The following RAD52 variants were observed in gnomAD, a reference collection of about 807,000 sequenced individuals.
The protein encoded by RAD52 is DNA repair protein RAD52 homolog.
Under a neutral mutation model 55.5 loss-of-function variants are expected in RAD52, and 47 were observed. The ratio of observed to expected loss-of-function variants is 0.85; its 90% CI spans 0.67 to 1.08. The LOEUF (loss-of-function observed/expected upper bound fraction) is 1.08, where lower values mean the gene tolerates loss of function less well. RAD52 is among the 50% of genes least tolerant of loss of function. RAD52 has a pLI of 0.00. For synonymous variants in RAD52, 184 were observed against 198.9 expected, an observed-to-expected ratio of 0.92 and a Z score of 0.63; for missense variants, 468 against 522.8, an observed-to-expected ratio of 0.90 and a Z score of 1.02.
intron 7 of RAD52, among the ~76,000 whole-genome samples, chr12:920,780 A>G (rs1956684630): frequency 6.6e-6 from 1 of 152,218 alleles, no homozygotes; most frequent in Non-Finnish European, 1.5e-5. Context: ...TATTTGAACA[A>G]TACTATAGGC....
chr12:925,850 C>G (rs2154112694), intron 6 of RAD52, among the ~76,000 whole-genome samples: 1 of 151,828 alleles, frequency 6.6e-6, no homozygotes, highest in South Asian at 2.1e-4. Context: ...TCTTTTTTTT[C>G]CCCCCAAAGG....
At chr12:925,075 C>A (rs1224930210) in intron 7 of RAD52, among the ~76,000 whole-genome samples, 1 of 151,790 alleles carries the variant, frequency 6.6e-6, no homozygotes, top group Admixed American at 6.6e-5. Flanking sequence ...CTCAGCCTCC[C>A]GAGTAGCTGG....
intron 1 of RAD52, among the ~76,000 whole-genome samples, chr12:983,604 G>C (rs540156204): frequency 6.6e-6 from 1 of 151,770 alleles, no homozygotes; most frequent in African/African-American, 2.4e-5. Context: ...ATTTTTAGTA[G>C]AGACAGGGTT....
chr12:948,778 G>A (rs917802841), intron 1 of RAD52, among the ~76,000 whole-genome samples: 1 of 148,196 alleles, frequency 6.7e-6, no homozygotes, highest in Admixed American at 6.7e-5. Flanking sequence ...CGGCTTACCG[G>A]CACACCTGCC....
intron 1 of RAD52, among the ~76,000 whole-genome samples, chr12:947,098 G>A (rs752863077): frequency 6.6e-6 from 1 of 152,176 alleles, no homozygotes; most frequent in Non-Finnish European, 1.5e-5. Context: ...AGGCCAAGGC[G>A]GGAGGATCAC....
At chr12:931,945 C>T (rs993211905) in intron 2 of RAD52, among the ~76,000 whole-genome samples, 3 of 152,184 alleles carry the variant, frequency 2.0e-5, no homozygotes, top group Non-Finnish European at 2.9e-5. Flanking sequence ...GAGATGAATA[C>T]TCACAACTCT....
chr12:981,771 T>TAAATAAAATAAAATAAAATAAAATA (rs59388253), intron 1 of RAD52, among the ~76,000 whole-genome samples: 7,749 of 139,588 alleles, frequency 0.056, 305 homozygotes, highest in Non-Finnish European at 0.078. Flanking sequence ...AATAAATAAA[T>TAAATAAAATAAAATAAAATAAAATA]AAATAAAATA....
intron 1 of RAD52, 186 bp downstream of exon 1, chr12:949,416 C>G (rs1352248730): frequency 1.3e-5 from 2 of 152,296 alleles, no homozygotes; most frequent in Non-Finnish European, 2.9e-5. Flanking sequence ...TCGGGAGGCC[C>G]GGATACTGAG....
intron 1 of RAD52, among the ~76,000 whole-genome samples, chr12:961,942 C>T (rs1958692354): frequency 6.6e-6 from 1 of 152,032 alleles, no homozygotes; most frequent in Non-Finnish European, 1.5e-5. Context: ...TGAGAAGCCA[C>T]GTGAGAAGCC....
At chr12:918,960 A>G (rs1956560038) in intron 7 of RAD52, among the ~76,000 whole-genome samples, 1 of 152,202 alleles carries the variant, frequency 6.6e-6, no homozygotes, top group Non-Finnish European at 1.5e-5. Flanking sequence ...AATTCCACTT[A>G]CAGTACAATT....
intron 1 of RAD52, among the ~76,000 whole-genome samples, chr12:934,726 C>G (rs1957522949): frequency 1.3e-5 from 2 of 152,140 alleles, no homozygotes; most frequent in South Asian, 4.1e-4. Context: ...CAAATCATCA[C>G]ATTGTACACC....
intron 3 of RAD52, 41 bp from the exon 4 acceptor site, chr12:930,185 C>G: frequency 1.4e-6 from 2 of 1,399,532 alleles, no homozygotes; most frequent in Non-Finnish European, 2.0e-6. Context: ...TGTGTTAATT[C>G]CTTACCACAC....
At chr12:976,349 C>G (rs1958935861) in intron 1 of RAD52, 1 of 152,278 alleles carries the variant, frequency 6.6e-6, no homozygotes, top group African/African-American at 2.4e-5. Flanking sequence ...CTTTGACATA[C>G]TTCCCAGTGA....
Position 943,412 on chromosome 12 carries a change from G to C in RAD52, c.-19+6190C>G, listed in dbSNP as rs193016343. Among the ~76,000 whole-genome samples, 738 of 152,236 alleles carry C rather than the reference G, an allele frequency of 4.8e-3. 6 individuals are homozygous for C. The highest frequency in any genetic ancestry group is 0.031 in the South Asian group (150 of 4,824). ...GGCTGGAGTGCAGTGGCACAATCTCGGCTCACTGCAACCTCCATCTTCCTG... is the reference window on the plus strand; with the variant it reads ...GGCTGGAGTGCAGTGGCACAATCTCCGCTCACTGCAACCTCCATCTTCCTG... On this transcript the variant is annotated intron_variant, in intron 1 of 11. Coordinates refer to ENST00000358495, the MANE Select transcript of RAD52 (RefSeq NM_134424.4).
At chr12:985,008 A>G (rs754407037) in intron 1 of RAD52, among the ~76,000 whole-genome samples, 1 of 151,982 alleles carries the variant, frequency 6.6e-6, no homozygotes, top group Non-Finnish European at 1.5e-5. Context: ...ACAGGGTTTC[A>G]CAGTATTAGC....
intron 1 of RAD52, among the ~76,000 whole-genome samples, chr12:948,866 G>A (rs1414038403): frequency 6.6e-6 from 1 of 151,880 alleles, no homozygotes; most frequent in African/African-American, 2.4e-5. Context: ...GGCCTGCCTA[G>A]TTTTGTATTT....
chr12:960,223 C>T (rs897284796), intron 1 of RAD52, among the ~76,000 whole-genome samples: 3 of 152,076 alleles, frequency 2.0e-5, no homozygotes, highest in Non-Finnish European at 4.4e-5. Context: ...GCAGGGGCAC[C>T]AGCTAGGAGC....
At chr12:971,148 A>C (rs1210392699) in intron 1 of RAD52, among the ~76,000 whole-genome samples, 1 of 152,180 alleles carries the variant, frequency 6.6e-6, no homozygotes, top group Non-Finnish European at 1.5e-5. Flanking sequence ...AAAGGAACCT[A>C]TATGTCTTTA....
chr12:929,524 T>C (rs745625852), intron 5 of RAD52, among the ~76,000 whole-genome samples: 1 of 152,202 alleles, frequency 6.6e-6, no homozygotes, highest in Non-Finnish European at 1.5e-5. Flanking sequence ...GGTAAAATTA[T>C]TGTATTTTAA....
Sources: allele counts gnomAD v4.1 joint callset (sites outside exome capture counted in the v4.1 genomes callset), GRCh38; gene constraint gnomAD v4.1.1; transcripts MANE v1.5; gene names NCBI Gene and HGNC (gene_info 2026-07-23, HGNC 2026-07-21).